RPRD1A: variants seen among roughly 807,000 people sequenced by gnomAD.
The protein encoded by RPRD1A is regulation of nuclear pre-mRNA domain containing 1A, also known as regulation of nuclear pre-mRNA domain-containing protein 1A.
A neutral mutation model predicts 37.8 loss-of-function variants in RPRD1A; 9 were observed. The observed-to-expected ratio is 0.24, with a 90% CI of 0.14 to 0.42. RPRD1A has a LOEUF of 0.42. Among genes scored for constraint, RPRD1A ranks in the 10% least tolerant of loss-of-function variants. The pLI, the probability that RPRD1A is intolerant of heterozygous loss-of-function variation, is 1.00. For synonymous variants in RPRD1A, 138 were observed against 139.7 expected (o/e 0.99, Z 0.08); for missense variants, 255 against 371.0 (o/e 0.69, Z 2.57).
At chr18:36,022,127 C>T (rs980339117) in intron 6 of RPRD1A, among the ~76,000 whole-genome samples, 1 of 152,158 alleles carries the variant, frequency 6.6e-6, no homozygotes, top group African/African-American at 2.4e-5. Context: ...TAAACTAAAG[C>T]CTAATTAATC....
chr18:36,012,660 G>A (rs776099834), intron 6 of RPRD1A, among the ~76,000 whole-genome samples: 11 of 152,158 alleles, frequency 7.2e-5, no homozygotes, highest in Non-Finnish European at 1.6e-4. Context: ...GTATCCCATC[G>A]TTAAGTGACA....
At chr18:36,046,353 G>A (rs1254835932) in intron 1 of RPRD1A, among the ~76,000 whole-genome samples, 2 of 152,154 alleles carry the variant, frequency 1.3e-5, no homozygotes, top group African/African-American at 2.4e-5. Context: ...AGGAGGCCTA[G>A]TGGAACAACA....
At chr18:36,002,250 T>C (rs1263028504) in intron 6 of RPRD1A, among the ~76,000 whole-genome samples, 1 of 152,226 alleles carries the variant, frequency 6.6e-6, no homozygotes, top group African/African-American at 2.4e-5. Flanking sequence ...ACATTATACC[T>C]TTCCAAATGG....
intron 4 of RPRD1A, among the ~76,000 whole-genome samples, chr18:36,030,207 G>A (rs1013949612): frequency 4.6e-5 from 7 of 151,584 alleles, no homozygotes; most frequent in South Asian, 2.1e-4. Context: ...TACATGAGCC[G>A]GGCACAGTGG....
At chr18:36,054,026 T>C (rs1479073030) in intron 1 of RPRD1A, among the ~76,000 whole-genome samples, 1 of 151,900 alleles carries the variant, frequency 6.6e-6, no homozygotes, top group African/African-American at 2.4e-5. Context: ...CAAAAAAGGG[T>C]TTATGTGCAC....
chr18:36,061,961 G>C (rs2088919614), intron 1 of RPRD1A, among the ~76,000 whole-genome samples: 2 of 152,164 alleles, frequency 1.3e-5, no homozygotes, highest in African/African-American at 4.8e-5. Flanking sequence ...TAATCAAAAA[G>C]ATAACAAATA....
At chr18:36,042,919 A>G (rs971127898) in intron 1 of RPRD1A, among the ~76,000 whole-genome samples, 1 of 152,176 alleles carries the variant, frequency 6.6e-6, no homozygotes, top group Non-Finnish European at 1.5e-5. Context: ...TACCTTCTTC[A>G]CCTTGCAAAT....
chr18:36,027,555 G>T, intron 4 of RPRD1A: 1 of 369,702 alleles, frequency 2.7e-6, no homozygotes, highest in Non-Finnish European at 4.9e-6. Context: ...CAGTGGTGGA[G>T]ACAGAGTAAT....
chr18:36,033,803 T>C lies in RPRD1A; in HGVS notation c.186A>G (p.Leu62=), dbSNP rs148221912. 1.1e-4 allele frequency: 185 copies of C among 1,612,254 alleles called. 1 individual carries two copies. Among genetic ancestry groups the C allele is most frequent in the Non-Finnish European group, 1.5e-4 (172 of 1,179,182 alleles). The change falls in exon 2 of 7, where the codon CTA becomes CTG. Residue 62 remains leucine, a synonymous_variant. Coordinates refer to ENST00000399022, the MANE Select transcript of RPRD1A (RefSeq NM_018170.5). ...KPNRKLTFLY[L]ANDVIQNSKR... The stretch of plus-strand genomic sequence containing the variant: ...TGCTGTTCTGTATGACATCATTGGC[T>C]AGGTAGAGAAAAGTAAGCTTCCTGT...
chr18:36,040,675 G>A, intron 1 of RPRD1A: 2 of 532,608 alleles, frequency 3.8e-6, no homozygotes, highest in Non-Finnish European at 6.5e-6. Context: ...AACTAGAGTT[G>A]TGATCACAGG....
chr18:36,010,352 G>C (rs957258293), intron 6 of RPRD1A, among the ~76,000 whole-genome samples: 1 of 151,994 alleles, frequency 6.6e-6, no homozygotes, highest in East Asian at 1.9e-4. Flanking sequence ...GATCAGTCAG[G>C]TGTGGTAGTG....
At chr18:36,006,720 T>C (rs1268819033) in intron 6 of RPRD1A, among the ~76,000 whole-genome samples, 2 of 152,050 alleles carry the variant, frequency 1.3e-5, no homozygotes, top group Non-Finnish European at 2.9e-5. Flanking sequence ...TGGAGGGAAA[T>C]GGTGCTGGAT....
At chr18:36,063,597 T>G (rs1189101654) in intron 1 of RPRD1A, among the ~76,000 whole-genome samples, 1 of 152,272 alleles carries the variant, frequency 6.6e-6, no homozygotes, top group Non-Finnish European at 1.5e-5. Flanking sequence ...TGTAATATAC[T>G]TTCAAGATTG....
At position 36,027,174 on chromosome 18, in the gene RPRD1A, C is replaced by A. The variant is rs1291506637; in HGVS notation, c.613+10G>T. ...CCAAAAAAGTTCTGGATCACATTTT[C>A]TTTTCTTACCTGTTATTTTATCTAA... On this transcript the variant is annotated intron_variant, in intron 5 of 6. Coordinates refer to ENST00000399022, the MANE Select transcript of RPRD1A (RefSeq NM_018170.5). 6.2e-7 allele frequency: 1 copy of A among 1,613,434 alleles called. No homozygotes were observed. Among genetic ancestry groups the A allele is most frequent in the Non-Finnish European group, 8.5e-7 (1 of 1,179,686 alleles).
intron 6 of RPRD1A, among the ~76,000 whole-genome samples, chr18:36,014,836 A>T (rs545627222): frequency 1.5e-4 from 23 of 152,204 alleles, no homozygotes; most frequent in Non-Finnish European, 3.1e-4. Context: ...TAAGCATATG[A>T]AAAAGGTGTT....
chr18:36,014,402 C>T (rs780371588), intron 6 of RPRD1A, among the ~76,000 whole-genome samples: 4 of 152,180 alleles, frequency 2.6e-5, no homozygotes, highest in Non-Finnish European at 5.9e-5. Context: ...ATATCATCAA[C>T]CTAAAATGAC....
intron 4 of RPRD1A, among the ~76,000 whole-genome samples, chr18:36,029,996 C>T (rs1448455331): frequency 5.3e-5 from 8 of 151,196 alleles, no homozygotes; most frequent in Admixed American, 2.0e-4. Flanking sequence ...TTAGTAGAGA[C>T]GGGGTTTCAC....
intron 6 of RPRD1A, among the ~76,000 whole-genome samples, chr18:36,005,411 C>T (rs1909688486): frequency 6.6e-6 from 1 of 152,100 alleles, no homozygotes; most frequent in African/African-American, 2.4e-5. Context: ...TCACTGATTG[C>T]TGTAAATTTG....
At chr18:36,040,556 T>C (rs553305027) in intron 1 of RPRD1A, among the ~76,000 whole-genome samples, 3 of 152,266 alleles carry the variant, frequency 2.0e-5, no homozygotes, top group Non-Finnish European at 2.9e-5. Context: ...AGTTTTAATT[T>C]GGGAGCAGGG....
Sources: allele counts gnomAD v4.1 joint callset (sites outside exome capture counted in the v4.1 genomes callset), GRCh38; gene constraint gnomAD v4.1.1; transcripts MANE v1.5; gene names NCBI Gene and HGNC (gene_info 2026-07-23, HGNC 2026-07-21).